The following DNAJB13 variants were observed in gnomAD, a reference collection of about 807,000 sequenced individuals.
DNAJB13 encodes the protein DnaJ heat shock protein family (Hsp40) member B13, also known as dnaJ homolog subfamily B member 13.
A neutral mutation model predicts 35.6 loss-of-function variants in DNAJB13; 22 were observed. The observed-to-expected ratio is 0.62, with a 90% confidence interval of 0.44 to 0.88. DNAJB13 has a LOEUF of 0.88. Among genes scored for constraint, DNAJB13 ranks in the 40% least tolerant of loss-of-function variants. DNAJB13 has a pLI of 0.00. For missense variants in DNAJB13, 370 were observed against 384.3 expected, an observed-to-expected ratio of 0.96 and a Z score of 0.31; for synonymous variants, 136 against 144.2, an observed-to-expected ratio of 0.94 and a Z score of 0.41.
chr11:73,958,276 A>G, intron 1 of DNAJB13, 41 bp from the exon 2 acceptor site: 1 of 1,602,452 alleles, frequency 6.2e-7, no homozygotes, highest in Non-Finnish European at 8.5e-7. Flanking sequence ...CCTCAGAAAC[A>G]GACCAGCTGA....
chr11:73,963,735 G>A (rs572822141), intron 3 of DNAJB13: 1 of 152,334 alleles, frequency 6.6e-6, no homozygotes, highest in Non-Finnish European at 1.5e-5. Flanking sequence ...ACATAGTGTA[G>A]TCACCTCACC....
intron 3 of DNAJB13, 59 bp from the exon 4 acceptor site, chr11:73,964,819 G>GCGCGCCCCCGCA (rs1951053232): frequency 6.8e-7 from 1 of 1,475,030 alleles, no homozygotes; most frequent in Admixed American, 1.8e-5. Context: ...GTGTGCGCGC[G>GCGCGCCCCCGCA]CGCGCATGTC....
intron 2 of DNAJB13, 67 bp from the exon 3 acceptor site, chr11:73,959,427 T>C (rs1591183625): frequency 6.4e-7 from 1 of 1,556,596 alleles, no homozygotes; most frequent in Non-Finnish European, 8.7e-7. Context: ...TCCGCCTGCT[T>C]CCCAGCCCCT....
At chr11:73,967,925 T>G (rs931111871) in intron 5 of DNAJB13, 1 of 267,034 alleles carries the variant, frequency 3.7e-6, no homozygotes, top group Non-Finnish European at 7.0e-6. Context: ...CCAGTCTGAT[T>G]CCTCTGTCCC....
At chr11:73,953,737 C>CT (rs1326721087) in intron 1 of DNAJB13, among the ~76,000 whole-genome samples, 8 of 151,688 alleles carry the variant, frequency 5.3e-5, no homozygotes, top group African/African-American at 2.4e-5. Context: ...TTCCTTGTTG[C>CT]TTTTTTTTAA....
intron 3 of DNAJB13, among the ~76,000 whole-genome samples, chr11:73,962,419 G>T: frequency 7.5e-6 from 1 of 134,180 alleles, no homozygotes. Flanking sequence ...GTGGGTGGGT[G>T]GGTAGGCGGA....
At chr11:73,964,569 A>T in intron 3 of DNAJB13, 2 of 304,218 alleles carry the variant, frequency 6.6e-6, no homozygotes, top group South Asian at 6.2e-5. Context: ...AATAAGAGAG[A>T]CGGGGAAGCG....
rs1427209297 is a variant in DNAJB13, at chr11:73,959,528, A to G, written c.207A>G (p.Glu69=). The G allele has an allele frequency of 3.7e-6, 6 of 1,613,992 alleles. No individual in the cohort carries two copies. The Admixed American group carries it at 6.7e-5, about 18-fold the overall frequency. ...GAGGCATCTACGACAAGTTTGGAGAAGAGGGCCTGAAGGGTGGGATTCCTT... is the reference window on the plus strand; with the variant it reads ...GAGGCATCTACGACAAGTTTGGAGAGGAGGGCCTGAAGGGTGGGATTCCTT... ...MKRGIYDKFG[E]EGLKGGIPLE... The change falls in exon 3 of 8, where the codon GAA becomes GAG. Residue 69 remains glutamate (E), a synonymous_variant. Coordinates refer to ENST00000339764, the MANE Select transcript of DNAJB13 (RefSeq NM_153614.4).
intron 3 of DNAJB13, among the ~76,000 whole-genome samples, chr11:73,960,760 G>A (rs1281692108): frequency 1.3e-5 from 2 of 152,122 alleles, no homozygotes; most frequent in East Asian, 3.8e-4. Context: ...AGGAAATAGG[G>A]CCAAATTTTA....
intron 1 of DNAJB13, among the ~76,000 whole-genome samples, chr11:73,952,504 G>T (rs1275063781): frequency 3.3e-5 from 5 of 152,210 alleles, no homozygotes; most frequent in Non-Finnish European, 7.3e-5. Context: ...CCAGTCATGG[G>T]CCTATTCCTG....
At chr11:73,961,687 A>G (rs1950936061) in intron 3 of DNAJB13, among the ~76,000 whole-genome samples, 1 of 152,186 alleles carries the variant, frequency 6.6e-6, no homozygotes, top group Admixed American at 6.5e-5. Context: ...TAGCTGCAAG[A>G]GAGTCTGGGG....
chr11:73,959,541 G>A lies in DNAJB13; in HGVS notation c.220G>A (p.Gly74Ser). Residue 74 changes from glycine (G) to serine (S), a missense_variant, in exon 3 of 8, where the codon GGT becomes AGT. Transcript: ENST00000339764. ...YDKFGEEGLK[G>S]GIPLEFGSQT... The stretch of plus-strand genomic sequence containing the variant: ...CAAGTTTGGAGAAGAGGGCCTGAAG[G>A]GTGGGATTCCTTTGGAGTTTGGATC... The A allele has an allele frequency of 6.2e-7, 1 of 1,614,082 alleles. No individual in the cohort carries two copies. The highest frequency in any genetic ancestry group is 8.5e-7 in the Non-Finnish European group (1 of 1,179,982).
chr11:73,954,039 T>TTAATAAA (rs1565166854), intron 1 of DNAJB13, among the ~76,000 whole-genome samples: 59 of 145,280 alleles, frequency 4.1e-4, no homozygotes, highest in African/African-American at 1.2e-3. Flanking sequence ...ATAATAATAA[T>TTAATAAA]AATGGCTGGA....
intron 3 of DNAJB13, among the ~76,000 whole-genome samples, chr11:73,961,272 C>T (rs533469581): frequency 3.3e-5 from 5 of 152,118 alleles, no homozygotes; most frequent in African/African-American, 1.2e-4. Flanking sequence ...AGATTGAGAC[C>T]TTGTCTCAAA....
intron 1 of DNAJB13, among the ~76,000 whole-genome samples, chr11:73,955,615 C>T (rs1950719104): frequency 6.6e-6 from 1 of 151,922 alleles, no homozygotes; most frequent in African/African-American, 2.4e-5. Context: ...TCACTTGAGG[C>T]CAGGAGTTTG....
chr11:73,956,951 G>A (rs1439484227), intron 1 of DNAJB13, among the ~76,000 whole-genome samples: 1 of 152,114 alleles, frequency 6.6e-6, no homozygotes, highest in Non-Finnish European at 1.5e-5. Flanking sequence ...AGAGACAGAA[G>A]CCTGCCTCTG....
At chr11:73,955,192 C>T (rs1447467215) in intron 1 of DNAJB13, among the ~76,000 whole-genome samples, 1 of 152,016 alleles carries the variant, frequency 6.6e-6, no homozygotes, top group East Asian at 1.9e-4. Flanking sequence ...GCTGTGATTT[C>T]ACCCCTTTCT....
chr11:73,964,810 TGTGCGC>T (rs1184034382), intron 3 of DNAJB13, 62 bp from the exon 4 acceptor site: 10 of 705,588 alleles, frequency 1.4e-5, no homozygotes, highest in African/African-American at 4.5e-5. Flanking sequence ...TGTGTGTGTG[TGTGCGC>T]GCGCGCGCAT....
chr11:73,954,629 C>CAAAAAAA (rs371177631), intron 1 of DNAJB13, among the ~76,000 whole-genome samples: 1 of 111,634 alleles, frequency 9.0e-6, no homozygotes, highest in Admixed American at 9.2e-5. Context: ...GACTCCGTCT[C>CAAAAAAA]AAAAAAAAAA....
Sources: gnomAD v4.1 joint callset for allele counts (sites outside exome capture counted in the v4.1 genomes callset) on GRCh38, gnomAD v4.1.1 for gene constraint, MANE v1.5 for transcripts, NCBI Gene and HGNC (gene_info 2026-07-23, HGNC 2026-07-21) for gene names.